Variants in SLC4A7 observed in about 807,000 individuals in gnomAD.
SLC4A7 encodes sodium bicarbonate cotransporter 3.
A neutral mutation model predicts 137.6 loss-of-function variants in SLC4A7; 51 were observed. The observed-to-expected ratio is 0.37, with a 90% CI of 0.30 to 0.47. The LOEUF is 0.47. Among genes scored for constraint, SLC4A7 ranks in the 20% least tolerant of loss-of-function variants. The pLI is 1.00. For missense variants in SLC4A7, 1,247 were observed against 1,525.4 expected, an observed-to-expected ratio of 0.82 and a Z score of 3.04; for synonymous variants, 542 against 518.6, an observed-to-expected ratio of 1.05 and a Z score of -0.61.
At position 27,416,895 on chromosome 3, in the gene SLC4A7, C is replaced by T. The variant is rs147906534; in HGVS notation, c.1659+1591G>A. Reference sequence around the variant, plus strand: ...ATAGAAAGACTCAAACTCATGAAGACGTCAGTTCTCCCTCAGTTGAATGAG... The same window carrying T: ...ATAGAAAGACTCAAACTCATGAAGATGTCAGTTCTCCCTCAGTTGAATGAG... On this transcript the variant is annotated intron_variant, in intron 11 of 25. Coordinates refer to ENST00000454389, the MANE Select transcript of SLC4A7 (RefSeq NM_001321103.2). Among the ~76,000 whole-genome samples the T allele has an allele frequency of 9.2e-5, 14 of 152,274 alleles. No homozygotes were observed. In the East Asian group the frequency reaches 2.5e-3, roughly 27 times the overall value.
rs1263704034 is a variant in SLC4A7 at position 27,476,106 on chromosome 3, C to T, written c.60+7961G>A. 2.0e-5 allele frequency among the ~76,000 whole-genome samples: 3 copies of T among 152,204 alleles called. No homozygotes were observed. The East Asian group carries it at 5.8e-4, about 29-fold the overall frequency. ...TAATCATATATATCAAAAGTCACTG[C>T]TTTTCATAAAGCAAAATTACACAAG... On this transcript the variant is annotated intron_variant, in intron 1 of 25. Transcript: ENST00000454389.
At chr3:27,452,351 A>G in intron 2 of SLC4A7, 66 bp downstream of exon 2, 2 of 1,047,998 alleles carry the variant, frequency 1.9e-6, no homozygotes, top group South Asian at 2.9e-5. Context: ...ACTTAAAAGG[A>G]TACTTAAAAA....
At chr3:27,418,942 C>T (rs2054659686) in intron 10 of SLC4A7, among the ~76,000 whole-genome samples, 2 of 152,166 alleles carry the variant, frequency 1.3e-5, no homozygotes, top group South Asian at 4.1e-4. Context: ...GCGTGTCATT[C>T]TACTTCTATG....
Position 27,403,341 on chromosome 3 carries a change from G to A in SLC4A7, c.2119C>T (p.Leu707=). The A allele has an allele frequency of 6.2e-7, 1 of 1,607,884 alleles. No individual in the cohort carries two copies. The highest frequency in any genetic ancestry group is 8.5e-7 in the Non-Finnish European group (1 of 1,176,080). Residue 707 remains leucine, a synonymous_variant, in exon 15 of 26, where the codon CTG becomes TTG. Transcript: ENST00000454389. ...ACAATGCACAAAAAAGAAGTCCACA[G>A]ACCAATACTGGTTCTTAAAGACAGA... The part of the protein sequence containing the change: ...SYLSLRTSIG[L]WTSFLCIVLV...
At chr3:27,387,981 T>C (rs2051148139) in intron 22 of SLC4A7, among the ~76,000 whole-genome samples, 1 of 152,166 alleles carries the variant, frequency 6.6e-6, no homozygotes, top group African/African-American at 2.4e-5. Flanking sequence ...AAGGGGTCTT[T>C]CTTTTAAAAT....
At chr3:27,440,070 T>G (rs2057066978) in intron 3 of SLC4A7, among the ~76,000 whole-genome samples, 1 of 152,224 alleles carries the variant, frequency 6.6e-6, no homozygotes, top group African/African-American at 2.4e-5. Flanking sequence ...CTTATGTTCC[T>G]AGCTTGGCCA....
rs2059839181 is a variant in SLC4A7 at position 27,484,057 on chromosome 3, G to A, written c.60+10C>T. ...CCTGCGGAGGAGCCCCACCGCCGCGGCGCCCTCACCCTGCTCGTTACCCGG... is the reference window on the plus strand; with the variant it reads ...CCTGCGGAGGAGCCCCACCGCCGCGACGCCCTCACCCTGCTCGTTACCCGG... On this transcript the variant is annotated intron_variant, in intron 1 of 25. Transcript: ENST00000454389. 2 of 1,397,760 alleles carry A rather than the reference G, an allele frequency of 1.4e-6. No individual in the cohort carries two copies. The highest frequency in any genetic ancestry group is 1.5e-5 in the South Asian group (1 of 67,474). The allele number at this position is 1,397,760 out of a possible 1,614,324, so 86.6% of individuals were successfully genotyped here. A position where few individuals can be genotyped will look rare whatever the true frequency, so the allele number is the denominator to read the frequency against.
At chr3:27,479,449 C>T (rs182074371) in intron 1 of SLC4A7, among the ~76,000 whole-genome samples, 1 of 152,004 alleles carries the variant, frequency 6.6e-6, no homozygotes, top group African/African-American at 2.4e-5. Context: ...TTAGGCCACT[C>T]TCTTATTTTA....
In SLC4A7 at chr3:27,474,136, C is replaced by T. The variant is rs778450475; in HGVS notation, c.60+9931G>A. ...AAAGTCTAACATTATCAAAAAGATA[C>T]AGTAAGATCTCATCAAAACAGAATT... On this transcript the variant is annotated intron_variant, in intron 1 of 25. Transcript: ENST00000454389. Among the ~76,000 whole-genome samples, 65 of 152,218 alleles carry T rather than the reference C, an allele frequency of 4.3e-4. No homozygotes were observed. In the Middle Eastern group the frequency reaches 0.01, roughly 24 times the overall value.
At chr3:27,464,188 T>C (rs1252736462) in intron 1 of SLC4A7, among the ~76,000 whole-genome samples, 1 of 152,206 alleles carries the variant, frequency 6.6e-6, no homozygotes, top group Non-Finnish European at 1.5e-5. Context: ...AAACACACTG[T>C]TGTTTTAATA....
intron 3 of SLC4A7, among the ~76,000 whole-genome samples, chr3:27,445,923 C>A (rs1205271743): frequency 2.2e-5 from 2 of 89,912 alleles, no homozygotes; most frequent in Non-Finnish European, 3.8e-5. Context: ...AAGAGAGAGG[C>A]TCAGTCTCAA....
intron 1 of SLC4A7, among the ~76,000 whole-genome samples, chr3:27,478,809 G>A (rs1323703501): frequency 1.5e-5 from 2 of 135,400 alleles, no homozygotes; most frequent in African/African-American, 5.5e-5. Flanking sequence ...CCAACATAGT[G>A]AAACCCTGTC....
At chr3:27,445,963 A>AAATATAT (rs1553708479) in intron 3 of SLC4A7, among the ~76,000 whole-genome samples, 11 of 37,522 alleles carry the variant, frequency 2.9e-4, no homozygotes, top group East Asian at 8.1e-4. Flanking sequence ...AAAAAAAAAA[A>AAATATAT]ATATATATAT....
chr3:27,463,827 GTGT>G (rs1204785013), intron 1 of SLC4A7, among the ~76,000 whole-genome samples: 3 of 152,194 alleles, frequency 2.0e-5, no homozygotes, highest in East Asian at 1.9e-4. Context: ...TCACTTTGCT[GTGT>G]TGTTCTTTTC....
At chr3:27,431,802 T>C (rs2056326261) in intron 6 of SLC4A7, 133 bp from the exon 7 acceptor site, 25 of 824,816 alleles carry the variant, frequency 3.0e-5, no homozygotes, top group Middle Eastern at 3.8e-4. Flanking sequence ...ATGTGATGGT[T>C]AGCATGTCAA....
intron 12 of SLC4A7, 35 bp from the exon 13 acceptor site, chr3:27,409,565 A>G (rs376680004): frequency 1.2e-5 from 19 of 1,551,330 alleles, no homozygotes; most frequent in Non-Finnish European, 1.6e-5. Context: ...CAAACTGTAC[A>G]CTAGAGGATT....
chr3:27,484,211 C>T lies in SLC4A7; in HGVS notation c.-85G>A, dbSNP rs2059845858. ...CTGCCGCTGCCCCTGCCGCCGCCGC[C>T]GAGCCCCCGGCGCGCGAGGACAAAC... On this transcript the variant is annotated 5_prime_UTR_variant, in exon 1 of 26. Transcript: ENST00000454389. 2 of 1,124,950 alleles carry T rather than the reference C, an allele frequency of 1.8e-6. No individual in the cohort carries two copies. The highest frequency in any genetic ancestry group is 2.2e-6 in the Non-Finnish European group (2 of 891,956). 69.7% of individuals were successfully genotyped at this position (1,124,950 alleles called of 1,614,324 possible). A position where few individuals can be genotyped will look rare whatever the true frequency, so the allele number is the denominator to read the frequency against.
intron 3 of SLC4A7, among the ~76,000 whole-genome samples, chr3:27,438,273 G>A (rs190800292): frequency 3.3e-5 from 5 of 151,314 alleles, no homozygotes; most frequent in South Asian, 2.1e-4. Flanking sequence ...TTGGGAGGCC[G>A]AGGCGGTTGG....
intron 22 of SLC4A7, among the ~76,000 whole-genome samples, chr3:27,387,455 C>T (rs1461308998): frequency 6.6e-6 from 1 of 152,170 alleles, no homozygotes; most frequent in East Asian, 1.9e-4. Context: ...ATTATTTATC[C>T]AGTTCACAAT....
Sources: gnomAD v4.1 joint callset for allele counts (sites outside exome capture counted in the v4.1 genomes callset) on GRCh38, gnomAD v4.1.1 for gene constraint, MANE v1.5 for transcripts, NCBI Gene and HGNC (gene_info 2026-07-23, HGNC 2026-07-21) for gene names.